Variants in CSMD2 observed in about 807,000 individuals in gnomAD.
CSMD2 encodes CUB and Sushi multiple domains 2, also known as CUB and sushi domain-containing protein 2.
In CSMD2, 130 loss-of-function variants were observed where a neutral mutation model predicts 398.5. The observed-to-expected ratio is 0.33, with a 90% CI of 0.28 to 0.38. The LOEUF is 0.38. CSMD2 is among the 10% of genes least tolerant of loss of function. The pLI is 1.00. For synonymous variants in CSMD2, 1,828 were observed against 1,908.5 expected (o/e 0.96, Z 1.10); for missense variants, 3,829 against 4,764.9 (o/e 0.80, Z 5.78).
chr1:33,562,065 C>G (rs1557539583), intron 53 of CSMD2, among the ~76,000 whole-genome samples: 2 of 152,046 alleles, frequency 1.3e-5, no homozygotes, highest in Non-Finnish European at 2.9e-5. Context: ...AGTAGTAAAG[C>G]AAAAAGCTCT....
intron 1 of CSMD2, among the ~76,000 whole-genome samples, chr1:34,091,335 T>C (rs370557479): frequency 3.3e-5 from 5 of 152,312 alleles, no homozygotes; most frequent in Admixed American, 3.3e-4. Context: ...TCCTAAAAAC[T>C]TTACCTATAT....
chr1:33,911,671 A>G (rs1423944382), intron 5 of CSMD2, among the ~76,000 whole-genome samples: 1 of 152,218 alleles, frequency 6.6e-6, no homozygotes, highest in Non-Finnish European at 1.5e-5. Context: ...GGACCTAGAG[A>G]GTAGGTTGAG....
intron 2 of CSMD2, among the ~76,000 whole-genome samples, chr1:34,064,155 T>C (rs937694792): frequency 6.6e-6 from 1 of 152,230 alleles, no homozygotes; most frequent in Non-Finnish European, 1.5e-5. Flanking sequence ...GTCTCTGACA[T>C]GGCCTAGAGA....
At position 33,617,548 on chromosome 1, in the gene CSMD2, A is replaced by G. The variant is rs1483472282; in HGVS notation, c.5897T>C (p.Leu1966Ser). ...SNGVKTGERYLVNDVVSFQCE... is the reference protein window; with the variant it reads ...SNGVKTGERYSVNDVVSFQCE... ...CTGGAAAGACACCACATCATTCACC[A>G]AGTAGCGCTCGCCAGTCTTCACCCC... The change falls in exon 38 of 71, where the codon TTG becomes TCG. Residue 1966 changes from leucine to serine, a missense_variant. By Grantham distance (145) the Leu-to-Ser change is moderately radical. This residue lies in a region of CSMD2 where 2,001 missense variants were observed against 2,567.1 expected (regional missense o/e 0.78). Coordinates refer to ENST00000373381, the MANE Select transcript of CSMD2 (RefSeq NM_001281956.2). 6.2e-7 allele frequency: 1 copy of G among 1,613,976 alleles called. No individual in the cohort carries two copies. The highest frequency in any genetic ancestry group is 2.2e-5 in the East Asian group (1 of 44,886).
intron 13 of CSMD2, among the ~76,000 whole-genome samples, chr1:33,749,476 T>A (rs961444675): frequency 1.3e-5 from 2 of 152,248 alleles, no homozygotes; most frequent in Admixed American, 1.3e-4. Context: ...TATTCATGAT[T>A]AAACAATAAA....
intron 40 of CSMD2, among the ~76,000 whole-genome samples, chr1:33,612,967 T>A (rs1391581842): frequency 6.6e-6 from 1 of 152,266 alleles, no homozygotes; most frequent in Non-Finnish European, 1.5e-5. Flanking sequence ...TCCCCTCATA[T>A]AGGAGCCCTG....
chr1:33,637,947 G>A (rs531333595), intron 29 of CSMD2, among the ~76,000 whole-genome samples: 7 of 152,190 alleles, frequency 4.6e-5, no homozygotes, highest in African/African-American at 9.6e-5. Flanking sequence ...CACAGGAGGC[G>A]GCCACTACTT....
intron 42 of CSMD2, 109 bp downstream of exon 42, chr1:33,605,173 C>CTGGA: frequency 9.1e-7 from 1 of 1,095,816 alleles, no homozygotes; most frequent in Non-Finnish European, 1.3e-6. Context: ...TTGCCTGGAC[C>CTGGA]TCCAGCCCTG....
chr1:33,967,164 A>G (rs1369816302), intron 3 of CSMD2, among the ~76,000 whole-genome samples: 1 of 151,442 alleles, frequency 6.6e-6, no homozygotes, highest in Non-Finnish European at 1.5e-5. Context: ...TGATTTTAAT[A>G]TTTTATAAAT....
Position 33,519,422 on chromosome 1 carries a change from C to T in CSMD2, c.*53+43G>A. ...GCCCCTGGCACGCATAGGTCCCTGT[C>T]TGTGCTTGTCATGGCCTGTCTTCCT... On this transcript the variant is annotated intron_variant, in intron 70 of 70. Coordinates refer to ENST00000373381, the MANE Select transcript of CSMD2 (RefSeq NM_001281956.2). The surrounding 1 kb of genome is among the most constrained non-coding windows in gnomAD (Gnocchi z 5.6). The T allele has an allele frequency of 7.8e-7, 1 of 1,288,302 alleles. No homozygotes were observed. The allele number at this position is 1,288,302 out of a possible 1,614,324, so 79.8% of individuals were successfully genotyped here. A position where few individuals can be genotyped will look rare whatever the true frequency, so the allele number is the denominator to read the frequency against.
intron 2 of CSMD2, among the ~76,000 whole-genome samples, chr1:34,063,301 G>T (rs1259689049): frequency 6.6e-6 from 1 of 152,066 alleles, no homozygotes; most frequent in African/African-American, 2.4e-5. Context: ...GCATTAACAC[G>T]AAAGTCCACA....
In CSMD2 at chr1:33,847,643, C is replaced by T. The variant is rs1447921105; in HGVS notation, c.921-647G>A. 4.6e-5 allele frequency among the ~76,000 whole-genome samples: 7 copies of T among 152,218 alleles called. No homozygotes were observed. In the East Asian group the frequency reaches 1.2e-3, roughly 25 times the overall value. On this transcript the variant is annotated intron_variant, in intron 5 of 70. Transcript: ENST00000373381. Reference sequence around the variant, plus strand: ...TTTGTCTTCCTCTGTGATGCCACAACATTTTATTCAAATTATAATTCAGTT... The same window carrying T: ...TTTGTCTTCCTCTGTGATGCCACAATATTTTATTCAAATTATAATTCAGTT...
In CSMD2 at chr1:33,580,785, T is replaced by C. The variant is rs1344846120; in HGVS notation, c.7355A>G (p.Tyr2452Cys). 2.5e-6 allele frequency: 4 copies of C among 1,614,134 alleles called. No individual in the cohort carries two copies. In the South Asian group the frequency reaches 3.3e-5, roughly 13 times the overall value. Residue 2452 changes from tyrosine (Y) to cysteine (C), a missense_variant, in exon 48 of 71, where the codon TAC becomes TGC. Tyr to Cys is a radical substitution (Grantham distance 194). Around this residue, in one of 5 missense-constraint regions of CSMD2, gnomAD observed 723 missense variants for 758.6 expected, o/e 0.95. Coordinates refer to ENST00000373381, the MANE Select transcript of CSMD2 (RefSeq NM_001281956.2). ...GCGGATCTTGAAGCCCTTCCGATTG[T>C]AGGCGTGATCAGATGACCAACGCAG... ...VYLRWSSDHAYNRKGFKIRYS... is the reference protein window; with the variant it reads ...VYLRWSSDHACNRKGFKIRYS...
intron 22 of CSMD2, among the ~76,000 whole-genome samples, chr1:33,705,042 T>A (rs1259502834): frequency 5.3e-5 from 8 of 152,032 alleles, no homozygotes; most frequent in Admixed American, 5.2e-4. Context: ...ATACTCAAAA[T>A]TTTTAGATCT....
At chr1:34,100,364 T>C (rs1254800419) in intron 1 of CSMD2, among the ~76,000 whole-genome samples, 1 of 152,198 alleles carries the variant, frequency 6.6e-6, no homozygotes, top group Non-Finnish European at 1.5e-5. Context: ...AGACACATTC[T>C]GGGAGAATTT....
intron 44 of CSMD2, among the ~76,000 whole-genome samples, chr1:33,593,525 C>T (rs1233650573): frequency 1.3e-5 from 2 of 152,128 alleles, no homozygotes; most frequent in African/African-American, 4.8e-5. Flanking sequence ...AGGGAAACTC[C>T]CATTTTTTAA....
At chr1:33,778,443 T>C (rs1652281050) in intron 12 of CSMD2, among the ~76,000 whole-genome samples, 1 of 152,108 alleles carries the variant, frequency 6.6e-6, no homozygotes, top group Non-Finnish European at 1.5e-5. Flanking sequence ...TGAAAATTTG[T>C]TCTTCTGGAG....
intron 2 of CSMD2, among the ~76,000 whole-genome samples, chr1:34,088,755 T>G (rs1252415335): frequency 6.6e-6 from 1 of 152,218 alleles, no homozygotes; most frequent in African/African-American, 2.4e-5. Context: ...CTCTTGTGTT[T>G]TCTCTCTAGT....
At chr1:33,728,333 CTT>C (rs11302718) in intron 15 of CSMD2, among the ~76,000 whole-genome samples, 27 of 149,802 alleles carry the variant, frequency 1.8e-4, no homozygotes, top group African/African-American at 6.3e-4. Flanking sequence ...ACCCAATCCT[CTT>C]TTTTTTTTAA....
Sources: gnomAD v4.1 joint callset for allele counts (sites outside exome capture counted in the v4.1 genomes callset) on GRCh38, gnomAD v4.1.1 for gene constraint, gnomAD v4.1.1 regional missense constraint, Gnocchi (gnomAD v3.1) non-coding constraint, MANE v1.5 for transcripts, NCBI Gene and HGNC (gene_info 2026-07-23, HGNC 2026-07-21) for gene names.